FOXP2: variants seen among roughly 807,000 people sequenced by gnomAD.
The protein encoded by FOXP2 is forkhead box protein P2.
A neutral mutation model predicts 115.8 loss-of-function variants in FOXP2; 12 were observed. That is an observed-to-expected ratio of 0.10 (90% CI 0.07 to 0.17). The LOEUF is 0.17. Among genes scored for constraint, FOXP2 ranks in the 10% least tolerant of loss-of-function variants. The pLI is 1.00. For missense variants in FOXP2, 629 were observed against 843.5 expected (o/e 0.75, Z 3.15); for synonymous variants, 328 against 297.7 (o/e 1.10, Z -1.05).
At chr7:114,513,582 A>G (rs549993043) in intron 2 of FOXP2, among the ~76,000 whole-genome samples, 48 of 152,110 alleles carry the variant, frequency 3.2e-4, no homozygotes, top group Non-Finnish European at 6.2e-4. Context: ...GAACCATTGT[A>G]GTAGATGTCC....
At chr7:114,384,834 T>C (rs1293089067) in intron 2 of FOXP2, among the ~76,000 whole-genome samples, 1 of 151,894 alleles carries the variant, frequency 6.6e-6, no homozygotes, top group Non-Finnish European at 1.5e-5. Flanking sequence ...GCAAAGCAGT[T>C]GTCGCTACCG....
chr7:114,589,263 T>G (rs1408727136), intron 3 of FOXP2, among the ~76,000 whole-genome samples: 1 of 152,164 alleles, frequency 6.6e-6, no homozygotes, highest in African/African-American at 2.4e-5. Flanking sequence ...TACCTAATGT[T>G]TTTTGGTTGT....
chr7:114,297,088 C>G (rs955039170), intron 2 of FOXP2: 1 of 412,180 alleles, frequency 2.4e-6, no homozygotes, highest in Non-Finnish European at 4.8e-6. Context: ...CCCTTTATTT[C>G]AGGGAGAGGG....
intron 2 of FOXP2, among the ~76,000 whole-genome samples, chr7:114,482,421 T>A (rs954495231): frequency 6.6e-6 from 1 of 151,602 alleles, no homozygotes; most frequent in African/African-American, 2.4e-5. Flanking sequence ...CTGAAGGTAA[T>A]TTGAGATTTT....
At chr7:114,252,345 T>G (rs1795470795) in intron 1 of FOXP2, among the ~76,000 whole-genome samples, 1 of 152,198 alleles carries the variant, frequency 6.6e-6, no homozygotes, top group Non-Finnish European at 1.5e-5. Flanking sequence ...TTCTATTGAT[T>G]GGAATAGTTT....
At chr7:114,561,531 G>T (rs1800758117) in intron 3 of FOXP2, 1 of 152,006 alleles carries the variant, frequency 6.6e-6, no homozygotes, top group South Asian at 2.1e-4. Context: ...CTTTTAATTT[G>T]AATAATTTCT....
intron 2 of FOXP2, among the ~76,000 whole-genome samples, chr7:114,458,956 C>T (rs754518874): frequency 2.0e-5 from 3 of 152,082 alleles, no homozygotes; most frequent in Non-Finnish European, 4.4e-5. Context: ...AGGTCACTCA[C>T]GTGGTGGCTG....
At chr7:114,634,377 T>C (rs1176891371) in intron 6 of FOXP2, among the ~76,000 whole-genome samples, 1 of 152,102 alleles carries the variant, frequency 6.6e-6, no homozygotes, top group Non-Finnish European at 1.5e-5. Flanking sequence ...CTTCTTAAAT[T>C]ATATTAAAAT....
intron 2 of FOXP2, among the ~76,000 whole-genome samples, chr7:114,319,499 G>A (rs764962510): frequency 2.4e-4 from 37 of 152,296 alleles, no homozygotes; most frequent in African/African-American, 5.8e-4. Flanking sequence ...CAATCATGGC[G>A]GAAGGCAAGG....
intron 2 of FOXP2, among the ~76,000 whole-genome samples, chr7:114,388,836 G>GA (rs1196331553): frequency 6.6e-6 from 1 of 152,134 alleles, no homozygotes; most frequent in Non-Finnish European, 1.5e-5. Context: ...ATTTGTCAAA[G>GA]AAAACTAGAT....
intron 14 of FOXP2, among the ~76,000 whole-genome samples, chr7:114,663,098 G>A (rs1806963351): frequency 6.6e-6 from 1 of 151,986 alleles, no homozygotes; most frequent in Non-Finnish European, 1.5e-5. Context: ...GCATCAAATT[G>A]GTAATTGTAT....
chr7:114,530,727 C>A (rs1030102741), intron 2 of FOXP2, among the ~76,000 whole-genome samples: 5 of 151,762 alleles, frequency 3.3e-5, no homozygotes, highest in African/African-American at 7.2e-5. Flanking sequence ...TAGAATTATT[C>A]TGTGAGGTTC....
intron 2 of FOXP2, among the ~76,000 whole-genome samples, chr7:114,488,240 G>A (rs904146408): frequency 2.0e-5 from 3 of 151,948 alleles, no homozygotes; most frequent in Admixed American, 6.6e-5. Context: ...AGAACAGCAC[G>A]AGAAATACCC....
intron 3 of FOXP2, among the ~76,000 whole-genome samples, chr7:114,619,076 C>A (rs1204415731): frequency 6.6e-6 from 1 of 152,092 alleles, no homozygotes; most frequent in Non-Finnish European, 1.5e-5. Context: ...ACTCGATATT[C>A]AACTTGAATT....
chr7:114,111,003 G>C (rs1791254049), intron 1 of FOXP2, among the ~76,000 whole-genome samples: 1 of 152,048 alleles, frequency 6.6e-6, no homozygotes, highest in Admixed American at 6.6e-5. Flanking sequence ...ATAAGGTGTG[G>C]AACAGATAGG....
chr7:114,505,574 A>C (rs982486540), intron 2 of FOXP2, among the ~76,000 whole-genome samples: 1 of 151,520 alleles, frequency 6.6e-6, no homozygotes, highest in African/African-American at 2.4e-5. Flanking sequence ...TCTCCAAAAA[A>C]AAAAAATCAA....
intron 1 of FOXP2, among the ~76,000 whole-genome samples, chr7:114,210,028 G>C (rs188220601): frequency 3.0e-4 from 45 of 152,278 alleles, no homozygotes; most frequent in African/African-American, 1.0e-3. Flanking sequence ...GTTGGCTGCT[G>C]TATTGTTTTA....
upstream of FOXP2, among the ~76,000 whole-genome samples, chr7:114,411,401 C>T (rs535350316): frequency 1.3e-5 from 2 of 152,200 alleles, no homozygotes; most frequent in South Asian, 2.1e-4. Flanking sequence ...GCACAGAATT[C>T]CCCTGTAGTT....
intron 1 of FOXP2, among the ~76,000 whole-genome samples, chr7:114,164,315 T>G (rs1792916551): frequency 6.6e-6 from 1 of 152,038 alleles, no homozygotes; most frequent in Non-Finnish European, 1.5e-5. Flanking sequence ...TTTTTTCGTT[T>G]TGGACTTAGA....
Sources: allele counts gnomAD v4.1 joint callset (sites outside exome capture counted in the v4.1 genomes callset), GRCh38; gene constraint gnomAD v4.1.1; transcripts MANE v1.5; gene names NCBI Gene and HGNC (gene_info 2026-07-23, HGNC 2026-07-21).